Variants in MGAT4C observed in about 807,000 individuals in gnomAD.
The protein encoded by MGAT4C is alpha-1,3-mannosyl-glycoprotein 4-beta-N-acetylglucosaminyltransferase C.
In MGAT4C, 19 loss-of-function variants were observed where a neutral mutation model predicts 40.1. The observed-to-expected ratio is 0.47, with a 90% CI of 0.33 to 0.70. MGAT4C has a LOEUF of 0.70. MGAT4C is among the 30% of genes least tolerant of loss of function. The probability of loss-of-function intolerance (pLI) is 0.02; values close to 1 mark genes in which losing one functional copy is unlikely to be tolerated. For missense variants in MGAT4C, 491 were observed against 563.2 expected, an observed-to-expected ratio of 0.87 and a Z score of 1.30; for synonymous variants, 181 against 187.1, an observed-to-expected ratio of 0.97 and a Z score of 0.27.
intron 2 of MGAT4C, among the ~76,000 whole-genome samples, chr12:86,443,786 G>C (rs984796293): frequency 2.6e-5 from 4 of 152,154 alleles, no homozygotes; most frequent in Admixed American, 2.0e-4. Flanking sequence ...AGTAGAGACA[G>C]GGTTTCGCCT....
chr12:86,725,018 T>C (rs1950799008), intron 2 of MGAT4C, among the ~76,000 whole-genome samples: 1 of 152,236 alleles, frequency 6.6e-6, no homozygotes, highest in Non-Finnish European at 1.5e-5. Flanking sequence ...TAAAACTTTA[T>C]CTGTCCATTT....
rs1436372507 is a variant in MGAT4C, at chr12:86,354,980, GC to G, written c.-119-20854del. ...TGCCACTGCTGGCTGGGGGCGGCCA[GC>G]TTTTATTCCCTTATTTGTTCTCGCC... On this transcript the variant is annotated intron_variant, in intron 3 of 7. Coordinates refer to the MGAT4C transcript ENST00000548651. Among the ~76,000 whole-genome samples the G allele has an allele frequency of 5.3e-5, 8 of 152,308 alleles. No homozygotes were observed. In the East Asian group the frequency reaches 1.5e-3, roughly 29 times the overall value.
At chr12:86,550,695 C>T (rs996167095) in intron 2 of MGAT4C, among the ~76,000 whole-genome samples, 10 of 151,406 alleles carry the variant, frequency 6.6e-5, no homozygotes, top group South Asian at 6.3e-4. Context: ...CTAACACCCA[C>T]GATCAACACT....
At chr12:86,758,815 G>A (rs1038353849) in intron 1 of MGAT4C, among the ~76,000 whole-genome samples, 10 of 151,920 alleles carry the variant, frequency 6.6e-5, no homozygotes, top group Non-Finnish European at 1.0e-4. Flanking sequence ...TTTGATACAC[G>A]GATGCATTGT....
At chr12:86,745,389 G>A (rs779694994) in intron 1 of MGAT4C, among the ~76,000 whole-genome samples, 7 of 151,448 alleles carry the variant, frequency 4.6e-5, no homozygotes, top group Non-Finnish European at 8.9e-5. Context: ...AGACACATTT[G>A]GTATAAAGGA....
intron 2 of MGAT4C, among the ~76,000 whole-genome samples, chr12:86,042,595 C>G (rs1406806099): frequency 6.6e-6 from 1 of 151,992 alleles, no homozygotes; most frequent in Non-Finnish European, 1.5e-5. Context: ...ACAAAATTCT[C>G]TGTTGGAATT....
At chr12:86,678,598 G>A (rs1411245397) in intron 2 of MGAT4C, among the ~76,000 whole-genome samples, 2 of 94,004 alleles carry the variant, frequency 2.1e-5, no homozygotes, top group Non-Finnish European at 3.9e-5. Flanking sequence ...CCACACAACA[G>A]TCCCCAGAGT....
At chr12:86,481,974 G>A (rs1209418851) in intron 2 of MGAT4C, among the ~76,000 whole-genome samples, 2 of 150,946 alleles carry the variant, frequency 1.3e-5, no homozygotes, top group East Asian at 3.9e-4. Flanking sequence ...TTATTTATTA[G>A]GGCAGCATAT....
Position 86,233,128 on chromosome 12 carries a change from T to C in MGAT4C, c.-57+23111A>G, listed in dbSNP as rs377080484. 1.8e-3 allele frequency among the ~76,000 whole-genome samples: 273 copies of C among 152,324 alleles called. 9 individuals carry two copies. In the South Asian group the frequency reaches 0.054, roughly 30 times the overall value. On this transcript the variant is annotated intron_variant, in intron 1 of 4. Coordinates refer to ENST00000611864, the MANE Select transcript of MGAT4C (RefSeq NM_001351288.2). ...TAGATTTATTCTGTTGTATCATATG[T>C]AGTGTTACGAATTTTGCATGACTAC...
chr12:86,293,431 T>C (rs986671826), intron 4 of MGAT4C, among the ~76,000 whole-genome samples: 4 of 152,176 alleles, frequency 2.6e-5, no homozygotes, highest in African/African-American at 9.6e-5. Context: ...CTTTCTGTTT[T>C]TAAAAAAATA....
chr12:86,834,058 T>C (rs966647373), intron 1 of MGAT4C, among the ~76,000 whole-genome samples: 3 of 151,886 alleles, frequency 2.0e-5, no homozygotes, highest in African/African-American at 7.2e-5. Flanking sequence ...TACCAGATTT[T>C]CTTTATCCAT....
chr12:86,624,924 C>T (rs1055396801), intron 2 of MGAT4C, among the ~76,000 whole-genome samples: 1 of 151,254 alleles, frequency 6.6e-6, no homozygotes, highest in Non-Finnish European at 1.5e-5. Flanking sequence ...GTCTCCACAC[C>T]CAAATCTCAT....
chr12:86,352,248 G>A (rs2136192746), intron 3 of MGAT4C, among the ~76,000 whole-genome samples: 1 of 152,042 alleles, frequency 6.6e-6, no homozygotes, highest in East Asian at 1.9e-4. Context: ...GTCTAAAACA[G>A]TGGCTTAAAC....
chr12:86,233,054 T>C (rs1335457381), intron 1 of MGAT4C, among the ~76,000 whole-genome samples: 3 of 152,208 alleles, frequency 2.0e-5, no homozygotes, highest in African/African-American at 7.2e-5. Flanking sequence ...ATGAGGCAGG[T>C]AATCGCTGAG....
chr12:86,383,564 A>AAC (rs1555181538), intron 3 of MGAT4C, among the ~76,000 whole-genome samples: 3 of 151,014 alleles, frequency 2.0e-5, no homozygotes, highest in African/African-American at 7.3e-5. Context: ...AAAAAAAAAA[A>AAC]AAAAAAAAAA....
chr12:86,057,296 G>C (rs1893504008), intron 1 of MGAT4C, among the ~76,000 whole-genome samples: 1 of 151,952 alleles, frequency 6.6e-6, no homozygotes, highest in Non-Finnish European at 1.5e-5. Flanking sequence ...CTACCGTTTT[G>C]GTCTTTTCAG....
chr12:86,316,079 C>CAAAAAAAAAAAAAAAAA (rs71076185), intron 4 of MGAT4C, among the ~76,000 whole-genome samples: 2 of 34,062 alleles, frequency 5.9e-5, no homozygotes, highest in Non-Finnish European at 1.0e-4. Context: ...ATACAAGCAG[C>CAAAAAAAAAAAAAAAAA]AAAAAAAAAA....
intron 3 of MGAT4C, among the ~76,000 whole-genome samples, chr12:86,413,406 G>C (rs971005295): frequency 1.3e-5 from 2 of 152,116 alleles, no homozygotes; most frequent in African/African-American, 4.8e-5. Context: ...CTGAATATGG[G>C]ACTTTGAAAC....
chr12:86,437,456 G>T (rs1351772663), intron 2 of MGAT4C, among the ~76,000 whole-genome samples: 3 of 151,700 alleles, frequency 2.0e-5, no homozygotes, highest in Non-Finnish European at 4.4e-5. Context: ...ATATTAAAAA[G>T]AAAATGAGGA....
Sources: allele counts gnomAD v4.1 joint callset (sites outside exome capture counted in the v4.1 genomes callset), GRCh38; gene constraint gnomAD v4.1.1; transcripts MANE v1.5; gene names NCBI Gene and HGNC (gene_info 2026-07-23, HGNC 2026-07-21).